The following MIGA1 variants were observed in gnomAD, a reference collection of about 807,000 sequenced individuals.
The protein encoded by MIGA1 is family with sequence similarity 73, member A.
In MIGA1, 58 loss-of-function variants were observed where a neutral mutation model predicts 82.0. The ratio of observed to expected loss-of-function variants is 0.71; its 90% CI spans 0.57 to 0.88. The LOEUF (loss-of-function observed/expected upper bound fraction) is 0.88, where lower values mean the gene tolerates loss of function less well. MIGA1 is among the 40% of genes least tolerant of loss of function. The probability of loss-of-function intolerance (pLI) is 0.00; values close to 1 mark genes in which losing one functional copy is unlikely to be tolerated. For missense variants in MIGA1, 751 were observed against 749.1 expected (o/e 1.00, Z -0.03); for synonymous variants, 249 against 253.6 (o/e 0.98, Z 0.17).
chr1:77,827,811 G>A (rs1351716724), intron 7 of MIGA1, among the ~76,000 whole-genome samples: 3 of 152,192 alleles, frequency 2.0e-5, no homozygotes, highest in Admixed American at 6.5e-5. Flanking sequence ...AGCAATTGAA[G>A]AGGTGAAGGG....
intron 4 of MIGA1, among the ~76,000 whole-genome samples, chr1:77,805,461 C>CTTTTTTTTTTTTT (rs11408292): frequency 4.5e-5 from 5 of 110,392 alleles, no homozygotes; most frequent in Non-Finnish European, 8.8e-5. Flanking sequence ...TATGCCTATT[C>CTTTTTTTTTTTTT]TTTTTTTTTT....
At position 77,877,875 on chromosome 1, in the gene MIGA1, G is replaced by A. The variant is rs1326053524; in HGVS notation, c.*2811G>A. 6.6e-6 allele frequency: 1 copy of A among 152,482 alleles called. No homozygotes were observed. Among genetic ancestry groups the A allele is most frequent in the Non-Finnish European group, 1.5e-5 (1 of 68,032 alleles). 9.4% of individuals were successfully genotyped at this position (152,482 alleles called of 1,614,324 possible). On this transcript the variant is annotated 3_prime_UTR_variant, in exon 16 of 16. Transcript: ENST00000370791. ...AGAAAAAGTTGCTTATATTCAGCAGGTTGGTTTGTCAAATTCAGTGTTTGA... is the reference window on the plus strand; with the variant it reads ...AGAAAAAGTTGCTTATATTCAGCAGATTGGTTTGTCAAATTCAGTGTTTGA...
At chr1:77,813,925 TG>T in intron 6 of MIGA1, 58 bp downstream of exon 6, 3 of 1,589,606 alleles carry the variant, frequency 1.9e-6, no homozygotes, top group Non-Finnish European at 2.6e-6. Flanking sequence ...ACTTTTTTTT[TG>T]TTTTTTTGGT....
Position 77,806,863 on chromosome 1 carries a change from A to G in MIGA1, c.511-112A>G, listed in dbSNP as rs544892760. 4.4e-4 allele frequency: 318 copies of G among 720,310 alleles called. 1 individual carries two copies. The highest frequency in any genetic ancestry group is 2.0e-3 in the South Asian group (81 of 40,034). 44.6% of individuals were successfully genotyped at this position (720,310 alleles called of 1,614,324 possible). On this transcript the variant is annotated intron_variant, in intron 4 of 15. Transcript: ENST00000370791. ...AATTATTTCTTCATGTGGAAATTAC[A>G]TGGATTGTCTTACCACTAATAGGAT...
At chr1:77,788,665 C>T (rs1235891561) in intron 2 of MIGA1, among the ~76,000 whole-genome samples, 1 of 152,064 alleles carries the variant, frequency 6.6e-6, no homozygotes, top group Non-Finnish European at 1.5e-5. Context: ...AGGTAAGGGT[C>T]CAGTTTTCCC....
rs771693019 is a variant in MIGA1 at position 77,807,024 on chromosome 1, C to T, written c.560C>T (p.Ser187Phe). Residue 187 changes from serine (S) to phenylalanine (F), a missense_variant, in exon 5 of 16, where the codon TCC (serine) becomes TTC (phenylalanine). Around this residue, in one of 3 missense-constraint regions of MIGA1, gnomAD observed 482 missense variants for 439.4 expected, o/e 1.10. Coordinates refer to ENST00000370791, the MANE Select transcript of MIGA1 (RefSeq NM_198549.4). ...AGCTGCGCTTGTGGCAATTCTAATTCCTGGGACAAAGCAGATGAAGATGAT... is the reference window on the plus strand; with the variant it reads ...AGCTGCGCTTGTGGCAATTCTAATTTCTGGGACAAAGCAGATGAAGATGAT... 6.2e-7 allele frequency: 1 copy of T among 1,610,666 alleles called. No individual in the cohort carries two copies. The highest frequency in any genetic ancestry group is 1.1e-5 in the South Asian group (1 of 90,884).
At chr1:77,779,813 C>T in intron 1 of MIGA1, 77 bp downstream of exon 1, 4 of 1,477,038 alleles carry the variant, frequency 2.7e-6, no homozygotes, top group African/African-American at 1.4e-5. Flanking sequence ...GCAGTTGGGG[C>T]AGAGGCCTCG....
rs771017315 is a variant in MIGA1, at chr1:77,779,654, C to G, written c.-2C>G. On this transcript the variant is annotated 5_prime_UTR_variant, in exon 1 of 16. Coordinates refer to ENST00000370791, the MANE Select transcript of MIGA1 (RefSeq NM_198549.4). Reference sequence around the variant, plus strand: ...TGACCCCGGAAGGACTCCGCCTTCTCCATGTCAGACTGCTGCTCAGCGCCA... The same window carrying G: ...TGACCCCGGAAGGACTCCGCCTTCTGCATGTCAGACTGCTGCTCAGCGCCA... 3 of 1,577,750 alleles carry G rather than the reference C, an allele frequency of 1.9e-6. No individual in the cohort carries two copies. In the East Asian group the frequency reaches 7.0e-5, roughly 37 times the overall value.
Position 77,863,874 on chromosome 1 carries a change from C to A in MIGA1, c.1375-20C>A. 6.7e-7 allele frequency: 1 copy of A among 1,489,938 alleles called. No homozygotes were observed. The highest frequency in any genetic ancestry group is 2.4e-5 in the East Asian group (1 of 41,840). The allele number at this position is 1,489,938 out of a possible 1,614,324, so 92.3% of individuals were successfully genotyped here. On this transcript the variant is annotated intron_variant, in intron 12 of 15. Transcript: ENST00000370791. ...CTCTATGTAATAATAATTTCTGTTTCAACTCATAATTTAATGCAGGTGAAA... is the reference window on the plus strand; with the variant it reads ...CTCTATGTAATAATAATTTCTGTTTAAACTCATAATTTAATGCAGGTGAAA...
intron 7 of MIGA1, among the ~76,000 whole-genome samples, chr1:77,823,230 G>C (rs534335414): frequency 1.6e-4 from 24 of 150,672 alleles, no homozygotes; most frequent in African/African-American, 5.9e-4. Flanking sequence ...TTTTTAAATA[G>C]CAGATCCAAA....
At chr1:77,848,110 G>A in intron 8 of MIGA1, 1 of 1,316,602 alleles carries the variant, frequency 7.6e-7, no homozygotes, top group Non-Finnish European at 1.1e-6. Flanking sequence ...AAGCAATCCA[G>A]AGACGAGGAG....
intron 8 of MIGA1, among the ~76,000 whole-genome samples, chr1:77,845,854 T>C (rs1347496952): frequency 6.6e-6 from 1 of 152,174 alleles, no homozygotes; most frequent in African/African-American, 2.4e-5. Flanking sequence ...TATCGGTTTT[T>C]CTATAAGCTA....
At chr1:77,824,474 C>T (rs1041572717) in intron 7 of MIGA1, among the ~76,000 whole-genome samples, 5 of 152,174 alleles carry the variant, frequency 3.3e-5, no homozygotes, top group Admixed American at 6.5e-5. Flanking sequence ...AGGAGAATCC[C>T]TTGAGCCTAG....
At chr1:77,854,605 A>G (rs1307156212) in intron 8 of MIGA1, among the ~76,000 whole-genome samples, 1 of 152,166 alleles carries the variant, frequency 6.6e-6, no homozygotes, top group East Asian at 1.9e-4. Context: ...TTGCAGGAGT[A>G]AAGTAGGTAT....
At chr1:77,796,614 A>G (rs944293915) in intron 2 of MIGA1, among the ~76,000 whole-genome samples, 69 of 152,294 alleles carry the variant, frequency 4.5e-4, no homozygotes, top group Non-Finnish European at 1.2e-4. Context: ...AAACAAATTT[A>G]CCAACAGGTT....
At chr1:77,820,475 A>T (rs1683761223) in intron 7 of MIGA1, among the ~76,000 whole-genome samples, 1 of 152,152 alleles carries the variant, frequency 6.6e-6, no homozygotes, top group African/African-American at 2.4e-5. Flanking sequence ...TAACATATAG[A>T]GTACCAATTT....
intron 12 of MIGA1, among the ~76,000 whole-genome samples, chr1:77,863,361 A>G (rs1685543200): frequency 6.6e-6 from 1 of 152,178 alleles, no homozygotes; most frequent in Non-Finnish European, 1.5e-5. Flanking sequence ...ATTTCTGCCA[A>G]AATGATACAG....
intron 7 of MIGA1, among the ~76,000 whole-genome samples, chr1:77,827,309 T>C (rs1440093877): frequency 2.0e-5 from 3 of 151,824 alleles, no homozygotes; most frequent in Non-Finnish European, 2.9e-5. Context: ...TCCTTTCCCC[T>C]CAAAAAAATT....
At chr1:77,852,291 TTAATATC>T (rs1235741361) in intron 8 of MIGA1, among the ~76,000 whole-genome samples, 1 of 152,204 alleles carries the variant, frequency 6.6e-6, no homozygotes. Flanking sequence ...TTTAAACTGT[TTAATATC>T]TAAAGAATTT....
Sources: allele counts gnomAD v4.1 joint callset (sites outside exome capture counted in the v4.1 genomes callset), GRCh38; gene constraint gnomAD v4.1.1; regional missense constraint gnomAD v4.1.1; transcripts MANE v1.5; gene names NCBI Gene and HGNC (gene_info 2026-07-23, HGNC 2026-07-21).